DLGAP4: variants seen among roughly 807,000 people sequenced by gnomAD.
The protein encoded by DLGAP4 is DLG associated protein 4.
Under a neutral mutation model 86.9 loss-of-function variants are expected in DLGAP4, and 18 were observed. That is an observed-to-expected ratio of 0.21 (90% CI 0.14 to 0.31). The LOEUF (loss-of-function observed/expected upper bound fraction) is 0.31, where lower values mean the gene tolerates loss of function less well. Ranked by LOEUF, DLGAP4 falls within the 10% of genes least tolerant of loss-of-function variation. The pLI, the probability that DLGAP4 is intolerant of heterozygous loss-of-function variation, is 1.00. For missense variants in DLGAP4, 1,085 were observed against 1,362.6 expected (o/e 0.80, Z 3.21); for synonymous variants, 548 against 574.3 (o/e 0.95, Z 0.65).
intron 7 of DLGAP4, among the ~76,000 whole-genome samples, chr20:36,473,834 G>T (rs1367212161): frequency 6.6e-6 from 1 of 152,080 alleles, no homozygotes; most frequent in African/African-American, 2.4e-5. Flanking sequence ...AGTCCCTAAG[G>T]GCACCTACTG....
intron 7 of DLGAP4, among the ~76,000 whole-genome samples, chr20:36,460,332 T>C (rs1789996290): frequency 6.6e-6 from 1 of 151,784 alleles, no homozygotes; most frequent in Admixed American, 6.6e-5. Flanking sequence ...AAGTGAATAG[T>C]ACAGGCGTAG....
chr20:36,518,103 C>T lies in DLGAP4; in HGVS notation c.2513-6147C>T, dbSNP rs547700228. Among the ~76,000 whole-genome samples the T allele has an allele frequency of 5.3e-5, 8 of 152,068 alleles. No individual in the cohort carries two copies. The East Asian group carries it at 9.7e-4, about 18-fold the overall frequency. ...GGCATGATGGCGGGTGCCTGTAATC[C>T]GAGCTACACTCAGGATGCTGAGGCA... On this transcript the variant is annotated intron_variant, in intron 10 of 12. Coordinates refer to ENST00000339266, the MANE Select transcript of DLGAP4 (RefSeq NM_001365621.2).
chr20:36,506,348 T>C (rs2036369224), intron 10 of DLGAP4, among the ~76,000 whole-genome samples: 1 of 152,248 alleles, frequency 6.6e-6, no homozygotes, highest in South Asian at 2.1e-4. Context: ...GATATTGGTA[T>C]TACCTTCCTG....
At position 36,306,921 on chromosome 20, in the gene DLGAP4, C is replaced by T. The variant is rs888532068; in HGVS notation, c.-304+409C>T. Among the ~76,000 whole-genome samples, 1 of 152,174 alleles carries T rather than the reference C, an allele frequency of 6.6e-6. No individual in the cohort carries two copies. The highest frequency in any genetic ancestry group is 1.5e-5 in the Non-Finnish European group (1 of 68,016). On this transcript the variant is annotated intron_variant, in intron 1 of 12. Transcript: ENST00000339266. The surrounding 1 kb of genome is among the most constrained non-coding windows in gnomAD (Gnocchi z 4.9). The stretch of plus-strand genomic sequence containing the variant: ...CCCGCCCCCTAATCCGCAGGGCGGC[C>T]TGGGGGTCAGGCGGACCCCTCCCGT...
chr20:36,460,458 G>T (rs796827914), intron 7 of DLGAP4, among the ~76,000 whole-genome samples: 11 of 152,336 alleles, frequency 7.2e-5, no homozygotes, highest in African/African-American at 2.6e-4. Flanking sequence ...CAAAAACCAT[G>T]ACAGTGGTAT....
At chr20:36,355,131 C>A (rs1206341656) in intron 1 of DLGAP4, among the ~76,000 whole-genome samples, 1 of 152,112 alleles carries the variant, frequency 6.6e-6, no homozygotes, top group Non-Finnish European at 1.5e-5. Context: ...GTAGTTGGTC[C>A]CCACTCCCAC....
intron 1 of DLGAP4, among the ~76,000 whole-genome samples, chr20:36,359,008 T>C (rs2030427856): frequency 6.6e-6 from 1 of 152,172 alleles, no homozygotes; most frequent in Admixed American, 6.6e-5. Flanking sequence ...CAGTCTGGGA[T>C]TGAGAATGCT....
chr20:36,343,020 G>A (rs917739380), intron 1 of DLGAP4, among the ~76,000 whole-genome samples: 1 of 152,188 alleles, frequency 6.6e-6, no homozygotes, highest in Non-Finnish European at 1.5e-5. Context: ...GAGTGAGGGG[G>A]AGGGGAGAGG....
intron 1 of DLGAP4, among the ~76,000 whole-genome samples, chr20:36,330,434 A>G (rs2065255982): frequency 6.6e-6 from 1 of 151,784 alleles, no homozygotes; most frequent in African/African-American, 2.4e-5. Flanking sequence ...AGGTGGACCT[A>G]TTTACTCTCC....
At chr20:36,425,420 A>G (rs1178437547) in intron 2 of DLGAP4, among the ~76,000 whole-genome samples, 1 of 152,174 alleles carries the variant, frequency 6.6e-6, no homozygotes, top group Non-Finnish European at 1.5e-5. Context: ...ATTTTTTTAA[A>G]AAGGAAATAA....
Position 36,431,442 on chromosome 20 carries a change from G to C in DLGAP4, c.-72-204G>C, listed in dbSNP as rs1428067633. ...TAGAAGAATGGAAGATGTTGTGCTT[G>C]TCTGATAGTCGGTAGCTTGAGTTGT... is the stretch of plus-strand genomic sequence containing the variant. On this transcript the variant is annotated intron_variant, in intron 2 of 12. Transcript: ENST00000339266. The surrounding 1 kb of genome is among the most constrained non-coding windows in gnomAD (Gnocchi z 5.1). Among the ~76,000 whole-genome samples, 1 of 152,166 alleles carries C rather than the reference G, an allele frequency of 6.6e-6. No individual in the cohort carries two copies. The highest frequency in any genetic ancestry group is 1.9e-4 in the East Asian group (1 of 5,196).
At chr20:36,453,567 G>A (rs1016524590) in intron 7 of DLGAP4, among the ~76,000 whole-genome samples, 4 of 151,926 alleles carry the variant, frequency 2.6e-5, no homozygotes, top group Non-Finnish European at 4.4e-5. Context: ...CTGGGAGGTC[G>A]TGCTGCAGTG....
Position 36,500,101 on chromosome 20 carries a change from C to T in DLGAP4, c.2100-98C>T. 7.4e-7 allele frequency: 1 copy of T among 1,347,902 alleles called. No homozygotes were observed. The highest frequency in any genetic ancestry group is 2.4e-5 in the East Asian group (1 of 42,176). The allele number at this position is 1,347,902 out of a possible 1,614,324, so 83.5% of individuals were successfully genotyped here. ...GTGAGCAGATGATGCATCCGTTTCT[C>T]TGTCTCCCGTGTGTCCGGGTCAAGG... On this transcript the variant is annotated intron_variant, in intron 9 of 12. Coordinates refer to ENST00000339266, the MANE Select transcript of DLGAP4 (RefSeq NM_001365621.2). The surrounding 1 kb of genome is among the most constrained non-coding windows in gnomAD (Gnocchi z 4.6).
intron 2 of DLGAP4, among the ~76,000 whole-genome samples, chr20:36,382,847 A>G (rs1055044707): frequency 6.6e-6 from 1 of 151,886 alleles, no homozygotes; most frequent in African/African-American, 2.4e-5. Context: ...TTTTCTTATC[A>G]GCAAAATGGG....
At chr20:36,388,191 C>T (rs998035204) in intron 2 of DLGAP4, among the ~76,000 whole-genome samples, 31 of 152,212 alleles carry the variant, frequency 2.0e-4, no homozygotes, top group Non-Finnish European at 7.3e-5. Flanking sequence ...TCCCCGTCCC[C>T]ACTTCTTGAT....
At chr20:36,514,788 G>A (rs1485331024) in intron 10 of DLGAP4, among the ~76,000 whole-genome samples, 2 of 152,072 alleles carry the variant, frequency 1.3e-5, no homozygotes, top group Non-Finnish European at 2.9e-5. Context: ...GAGAAAGGGA[G>A]CTTATTATGC....
chr20:36,329,909 T>TA (rs1446333677), intron 1 of DLGAP4, among the ~76,000 whole-genome samples: 2 of 151,846 alleles, frequency 1.3e-5, no homozygotes, highest in Non-Finnish European at 2.9e-5. Context: ...CAGATGCCTG[T>TA]AATCTCAGCT....
intron 7 of DLGAP4, among the ~76,000 whole-genome samples, chr20:36,480,373 A>G (rs904489414): frequency 1.3e-5 from 2 of 152,098 alleles, no homozygotes; most frequent in African/African-American, 2.4e-5. Context: ...GAACATTCTC[A>G]TTTTGTATTT....
intron 3 of DLGAP4, among the ~76,000 whole-genome samples, chr20:36,434,524 C>T (rs1201801678): frequency 6.6e-6 from 1 of 152,162 alleles, no homozygotes; most frequent in Admixed American, 6.5e-5. Context: ...GAGAGGGTAG[C>T]CCTGTGGGCC....
Sources: gnomAD v4.1 joint callset for allele counts (sites outside exome capture counted in the v4.1 genomes callset) on GRCh38, gnomAD v4.1.1 for gene constraint, Gnocchi (gnomAD v3.1) non-coding constraint, MANE v1.5 for transcripts, NCBI Gene and HGNC (gene_info 2026-07-23, HGNC 2026-07-21) for gene names.